CLIP2: variants seen among roughly 807,000 people sequenced by gnomAD.
CLIP2 encodes the protein CAP-Gly domain-containing linker protein 2.
In CLIP2, 41 loss-of-function variants were observed where a neutral mutation model predicts 111.7. That is an observed-to-expected ratio of 0.37 (90% confidence interval 0.29 to 0.48). The LOEUF (loss-of-function observed/expected upper bound fraction) is 0.48. Among genes scored for constraint, CLIP2 ranks in the 20% least tolerant of loss-of-function variants. The pLI is 0.99. For synonymous variants in CLIP2, 660 were observed against 644.2 expected (o/e 1.02, Z -0.37); for missense variants, 1,160 against 1,422.1 (o/e 0.82, Z 2.96).
chr7:74,353,574 G>A (rs1298427284), intron 3 of CLIP2, among the ~76,000 whole-genome samples: 2 of 152,176 alleles, frequency 1.3e-5, no homozygotes, highest in Non-Finnish European at 2.9e-5. Flanking sequence ...TACAGATGAA[G>A]ATGCTGAGGC....
chr7:74,335,994 G>A (rs1263662207), intron 2 of CLIP2, among the ~76,000 whole-genome samples: 3 of 111,712 alleles, frequency 2.7e-5, no homozygotes, highest in Non-Finnish European at 4.2e-5. Context: ...CGCCCGCCTC[G>A]GCCTCCCAAA....
chr7:74,338,305 C>T lies in CLIP2; in HGVS notation c.122-143C>T. ...TTTCTTGAGGTCAGGAGTTCGAGAC[C>T]AGCCTGGCCGAGATGGTGAAACCCC... On this transcript the variant is annotated intron_variant, in intron 2 of 16. Coordinates refer to ENST00000223398, the MANE Select transcript of CLIP2 (RefSeq NM_003388.5). The surrounding 1 kb of genome is among the most constrained non-coding windows in gnomAD (Gnocchi z 4.3). 1 of 946,414 alleles carries T rather than the reference C, an allele frequency of 1.1e-6. No homozygotes were observed. Among genetic ancestry groups the T allele is most frequent in the Non-Finnish European group, 1.5e-6 (1 of 652,756 alleles). 58.6% of individuals were successfully genotyped at this position (946,414 alleles called of 1,614,324 possible).
intron 1 of CLIP2, among the ~76,000 whole-genome samples, chr7:74,298,068 C>G (rs545430797): frequency 2.6e-5 from 4 of 151,978 alleles, no homozygotes; most frequent in Non-Finnish European, 5.9e-5. Context: ...ACCCACGGTC[C>G]GGTGCAGTGC....
intron 14 of CLIP2, among the ~76,000 whole-genome samples, chr7:74,398,984 C>T (rs1331610312): frequency 6.6e-6 from 1 of 152,224 alleles, no homozygotes; most frequent in Non-Finnish European, 1.5e-5. Flanking sequence ...CCTCTTGTCT[C>T]ATCATCTCCC....
chr7:74,347,813 A>G (rs1554306670), intron 3 of CLIP2, among the ~76,000 whole-genome samples: 1 of 152,216 alleles, frequency 6.6e-6, no homozygotes, highest in Non-Finnish European at 1.5e-5. Context: ...GGAAATGAAA[A>G]ATATCACAGA....
chr7:74,295,135 A>AT (rs1788133083), intron 1 of CLIP2, among the ~76,000 whole-genome samples: 1 of 151,974 alleles, frequency 6.6e-6, no homozygotes, highest in Admixed American at 6.6e-5. Context: ...GCTAATTTTT[A>AT]TATTTTTTTG....
intron 6 of CLIP2, among the ~76,000 whole-genome samples, chr7:74,359,350 CT>C (rs55946789): frequency 1.5e-3 from 142 of 91,760 alleles, no homozygotes; most frequent in Non-Finnish European, 1.9e-3. Context: ...TTTCAGGTTT[CT>C]TTTTTTTTTT....
At chr7:74,329,773 CTATT>C (rs10648002) in intron 2 of CLIP2, among the ~76,000 whole-genome samples, 2 of 149,990 alleles carry the variant, frequency 1.3e-5, no homozygotes, top group African/African-American at 4.9e-5. Flanking sequence ...TTTTATTTAT[CTATT>C]TATTTATTTA....
At chr7:74,372,411 G>A (rs1448706391) in intron 8 of CLIP2, among the ~76,000 whole-genome samples, 1 of 147,880 alleles carries the variant, frequency 6.8e-6, no homozygotes, top group South Asian at 2.3e-4. Context: ...TTGGGGGGGG[G>A]GGGGAGTCGA....
At chr7:74,382,305 T>TA (rs1790968974) in intron 11 of CLIP2, among the ~76,000 whole-genome samples, 1 of 24,296 alleles carries the variant, frequency 4.1e-5, no homozygotes, top group Admixed American at 4.3e-4. Flanking sequence ...GGGGCTGGTC[T>TA]TTTTTTTTTT....
At chr7:74,321,668 T>C (rs1788956115) in intron 2 of CLIP2, among the ~76,000 whole-genome samples, 1 of 151,920 alleles carries the variant, frequency 6.6e-6, no homozygotes, top group Non-Finnish European at 1.5e-5. Context: ...CAGGGTTTCA[T>C]CATCTTGGCC....
At chr7:74,381,022 A>G (rs1259494891) in intron 11 of CLIP2, 159 bp downstream of exon 11, 3 of 637,836 alleles carry the variant, frequency 4.7e-6, no homozygotes, top group East Asian at 5.4e-5. Context: ...GGAGGAGGCC[A>G]GTTTACGGAG....
intron 13 of CLIP2, among the ~76,000 whole-genome samples, chr7:74,392,367 A>G (rs1232574567): frequency 6.6e-6 from 1 of 150,608 alleles, no homozygotes; most frequent in South Asian, 2.1e-4. Context: ...AAAAAAAAGA[A>G]AAGGAAAGAA....
intron 3 of CLIP2, among the ~76,000 whole-genome samples, chr7:74,340,866 C>T (rs1218907869): frequency 1.3e-5 from 2 of 151,984 alleles, no homozygotes; most frequent in Non-Finnish European, 2.9e-5. Context: ...GGTGGTTGGT[C>T]ATTCCAACCC....
At chr7:74,373,272 T>C (rs1324489331) in intron 9 of CLIP2, among the ~76,000 whole-genome samples, 2 of 151,764 alleles carry the variant, frequency 1.3e-5, no homozygotes, top group African/African-American at 2.4e-5. Context: ...CTAAGGAGGG[T>C]GGATCGCCTG....
intron 13 of CLIP2, among the ~76,000 whole-genome samples, chr7:74,394,933 C>T (rs971386498): frequency 6.6e-6 from 1 of 152,194 alleles, no homozygotes; most frequent in Non-Finnish European, 1.5e-5. Flanking sequence ...TGCCCTGTCT[C>T]AGCCACAGGA....
At chr7:74,319,089 A>G (rs1788874110) in intron 2 of CLIP2, among the ~76,000 whole-genome samples, 1 of 152,152 alleles carries the variant, frequency 6.6e-6, no homozygotes, top group Non-Finnish European at 1.5e-5. Flanking sequence ...CTAGGGTGGC[A>G]AATCCTCTCC....
chr7:74,327,813 C>T (rs1353671450), intron 2 of CLIP2, among the ~76,000 whole-genome samples: 1 of 152,178 alleles, frequency 6.6e-6, no homozygotes, highest in Non-Finnish European at 1.5e-5. Flanking sequence ...CACCTGTCTG[C>T]CTGCCTGGTG....
At chr7:74,355,271 G>A (rs1289997395) in intron 4 of CLIP2, among the ~76,000 whole-genome samples, 1 of 152,152 alleles carries the variant, frequency 6.6e-6, no homozygotes, top group Non-Finnish European at 1.5e-5. Flanking sequence ...CAAAGACCTG[G>A]AGGTGGGAAA....
Sources: allele counts gnomAD v4.1 joint callset (sites outside exome capture counted in the v4.1 genomes callset), GRCh38; gene constraint gnomAD v4.1.1; non-coding constraint Gnocchi (gnomAD v3.1); transcripts MANE v1.5; gene names NCBI Gene and HGNC (gene_info 2026-07-23, HGNC 2026-07-21).